FIG4: variants seen among roughly 807,000 people sequenced by gnomAD.
FIG4 encodes polyphosphoinositide phosphatase.
In FIG4, 112 loss-of-function variants were observed where a neutral mutation model predicts 118.6. The observed-to-expected ratio is 0.94, with a 90% confidence interval of 0.81 to 1.11. The LOEUF is 1.11. Among genes scored for constraint, FIG4 ranks in the 50% least tolerant of loss-of-function variants. FIG4 has a pLI of 0.00. For synonymous variants in FIG4, 369 were observed against 381.2 expected, an observed-to-expected ratio of 0.97 and a Z score of 0.37; for missense variants, 969 against 1,111.7, an observed-to-expected ratio of 0.87 and a Z score of 1.83.
chr6:109,817,399 A>G (rs138794766), intron 22 of FIG4, among the ~76,000 whole-genome samples: 5 of 152,326 alleles, frequency 3.3e-5, no homozygotes, highest in African/African-American at 1.2e-4. Flanking sequence ...AAGGTAGACA[A>G]TGTGTCCAGC....
intron 22 of FIG4, among the ~76,000 whole-genome samples, chr6:109,797,896 CAAAA>C (rs11341028): frequency 8.9e-5 from 7 of 78,908 alleles, no homozygotes; most frequent in Non-Finnish European, 1.3e-4. Context: ...ACTCCATCTC[CAAAA>C]AAAAAAAAAA....
At chr6:109,794,538 C>T (rs1456788384) in intron 21 of FIG4, among the ~76,000 whole-genome samples, 1 of 152,210 alleles carries the variant, frequency 6.6e-6, no homozygotes, top group Admixed American at 6.5e-5. Context: ...AGGAATCCTC[C>T]CTCCATCAGT....
At chr6:109,809,870 C>G (rs1778672434) in intron 22 of FIG4, among the ~76,000 whole-genome samples, 1 of 152,168 alleles carries the variant, frequency 6.6e-6, no homozygotes. Context: ...GATGGGCAAG[C>G]TCCAGAGCTG....
chr6:109,767,694 C>T (rs940205168), intron 15 of FIG4, among the ~76,000 whole-genome samples: 1 of 152,114 alleles, frequency 6.6e-6, no homozygotes, highest in Non-Finnish European at 1.5e-5. Flanking sequence ...CATGGTGAAA[C>T]CCCGTCTCTA....
chr6:109,802,633 A>C (rs1316551834), intron 22 of FIG4, among the ~76,000 whole-genome samples: 1 of 152,250 alleles, frequency 6.6e-6, no homozygotes, highest in Non-Finnish European at 1.5e-5. Flanking sequence ...CTGGATCCAC[A>C]AGAATTAGAA....
At chr6:109,718,579 T>C (rs1273572683) in intron 3 of FIG4, among the ~76,000 whole-genome samples, 1 of 152,172 alleles carries the variant, frequency 6.6e-6, no homozygotes, top group African/African-American at 2.4e-5. Flanking sequence ...TTTTGTGTGT[T>C]AGGTGGCTGC....
intron 10 of FIG4, among the ~76,000 whole-genome samples, chr6:109,753,538 G>A (rs940072233): frequency 4.6e-5 from 7 of 152,106 alleles, no homozygotes; most frequent in Non-Finnish European, 1.0e-4. Context: ...TTGGGCAATA[G>A]GGCCATTTTC....
At chr6:109,767,303 A>G (rs531521837) in intron 15 of FIG4, among the ~76,000 whole-genome samples, 2 of 152,316 alleles carry the variant, frequency 1.3e-5, no homozygotes, top group East Asian at 3.9e-4. Context: ...ACTAGAAACA[A>G]ATTGTGATAT....
At chr6:109,711,439 G>A (rs915498529) in intron 1 of FIG4, among the ~76,000 whole-genome samples, 3 of 152,074 alleles carry the variant, frequency 2.0e-5, no homozygotes, top group South Asian at 2.1e-4. Context: ...ATTAATCTGA[G>A]TGTTCCTGTG....
At chr6:109,794,165 C>T (rs1037377364) in intron 21 of FIG4, among the ~76,000 whole-genome samples, 2 of 152,204 alleles carry the variant, frequency 1.3e-5, no homozygotes, top group African/African-American at 2.4e-5. Flanking sequence ...ATAATACCTC[C>T]TTTCATTGTA....
chr6:109,814,039 G>T (rs1288564029), intron 22 of FIG4, among the ~76,000 whole-genome samples: 1 of 152,172 alleles, frequency 6.6e-6, no homozygotes, highest in Admixed American at 6.5e-5. Flanking sequence ...ATAAATGTTG[G>T]CTTAAGGTAC....
At chr6:109,820,042 A>T (rs777787049) in intron 22 of FIG4, among the ~76,000 whole-genome samples, 1 of 152,178 alleles carries the variant, frequency 6.6e-6, no homozygotes, top group Non-Finnish European at 1.5e-5. Flanking sequence ...GCACAAGGCT[A>T]TGGGAACAGA....
Position 109,825,241 on chromosome 6 carries a change from G to A in FIG4, c.2700G>A (p.Glu900=), listed in dbSNP as rs1779126008. 5 of 1,613,976 alleles carry A rather than the reference G, an allele frequency of 3.1e-6. No homozygotes were observed. Among genetic ancestry groups the A allele is most frequent in the Non-Finnish European group, 4.2e-6 (5 of 1,180,002 alleles). The change falls in exon 23 of 23, where the codon GAG becomes GAA. Residue 900 remains glutamate (E), a synonymous_variant. Coordinates refer to ENST00000230124, the MANE Select transcript of FIG4 (RefSeq NM_014845.6). The part of the protein sequence containing the change: ...LGKEDSSMYR[E]YIRNRYL ...AAGAGGACTCCTCCATGTACCGAGAGTACATCAGGAACCGCTACCTGTGAA... is the reference window on the plus strand; with the variant it reads ...AAGAGGACTCCTCCATGTACCGAGAATACATCAGGAACCGCTACCTGTGAA...
chr6:109,741,635 A>G (rs1776326654), intron 8 of FIG4, 91 bp downstream of exon 8: 1 of 879,602 alleles, frequency 1.1e-6, no homozygotes. Context: ...AAGAAGTGGT[A>G]TTTCTTAGTT....
In FIG4 at chr6:109,715,176, G is replaced by GGT. The variant is rs1465567528; in HGVS notation, c.165+1_165+2dup. The GGT allele has an allele frequency of 6.5e-7, 1 of 1,548,486 alleles. No individual in the cohort carries two copies. Among genetic ancestry groups the GGT allele is most frequent in the East Asian group, 2.2e-5 (1 of 44,454 alleles). On this transcript the variant is annotated frameshift_variant and splice_region_variant. Transcript: ENST00000230124. LOFTEE classifies it high-confidence loss of function. ...AAGATTTGGTCATAATTGATGACAG[G>GGT]GTAAGTATCCTCCAAACCTGACTGC...
chr6:109,799,140 A>G (rs1222348517), intron 22 of FIG4, among the ~76,000 whole-genome samples: 3 of 152,236 alleles, frequency 2.0e-5, no homozygotes, highest in African/African-American at 7.2e-5. Flanking sequence ...TACAGTTACT[A>G]CTTGTGCATT....
Position 109,727,326 on chromosome 6 carries a change from G to T in FIG4, c.446+61G>T, listed in dbSNP as rs1477865776. Reference sequence around the variant, plus strand: ...GACAAGGTCTTGCCCTGTTGCCCAGGCTGGAAGGCTGGAATATAATGGCAT... The same window carrying T: ...GACAAGGTCTTGCCCTGTTGCCCAGTCTGGAAGGCTGGAATATAATGGCAT... On this transcript the variant is annotated intron_variant, in intron 4 of 22. Coordinates refer to ENST00000230124, the MANE Select transcript of FIG4 (RefSeq NM_014845.6). The T allele has an allele frequency of 9.2e-6, 12 of 1,301,552 alleles. No individual in the cohort carries two copies. In the Admixed American group the frequency reaches 1.9e-4, roughly 20 times the overall value. The allele number at this position is 1,301,552 out of a possible 1,614,324, so 80.6% of individuals were successfully genotyped here.
At chr6:109,794,831 C>T (rs1043680202) in intron 21 of FIG4, among the ~76,000 whole-genome samples, 1 of 152,198 alleles carries the variant, frequency 6.6e-6, no homozygotes, top group African/African-American at 2.4e-5. Context: ...ATCACAGAAC[C>T]AGTGGAGAAG....
chr6:109,718,321 A>G (rs1264975827), intron 3 of FIG4, among the ~76,000 whole-genome samples: 1 of 152,196 alleles, frequency 6.6e-6, no homozygotes, highest in Non-Finnish European at 1.5e-5. Flanking sequence ...GAGGATTACA[A>G]TGGAACATGA....
Sources: gnomAD v4.1 joint callset for allele counts (sites outside exome capture counted in the v4.1 genomes callset) on GRCh38, gnomAD v4.1.1 for gene constraint, MANE v1.5 for transcripts, NCBI Gene and HGNC (gene_info 2026-07-23, HGNC 2026-07-21) for gene names.